The following PPP2R2B variants were observed in gnomAD, a reference collection of about 807,000 sequenced individuals.
PPP2R2B encodes serine/threonine-protein phosphatase 2A 55 kDa regulatory subunit B beta isoform.
In PPP2R2B, 5 loss-of-function variants were observed where a neutral mutation model predicts 46.0. The ratio of observed to expected loss-of-function variants is 0.11; its 90% confidence interval spans 0.06 to 0.23. The LOEUF is 0.23. Among genes scored for constraint, PPP2R2B ranks in the 10% least tolerant of loss-of-function variants. The pLI is 1.00. For synonymous variants in PPP2R2B, 215 were observed against 206.7 expected (o/e 1.04, Z -0.34); for missense variants, 367 against 575.0 (o/e 0.64, Z 3.70).
chr5:146,910,375 C>A (rs1444164203), intron 1 of PPP2R2B, among the ~76,000 whole-genome samples: 1 of 152,200 alleles, frequency 6.6e-6, no homozygotes, highest in Non-Finnish European at 1.5e-5. Flanking sequence ...AAGGATGAGA[C>A]AAGTGTAGTG....
At chr5:146,901,372 A>T (rs1021370998) in intron 1 of PPP2R2B, among the ~76,000 whole-genome samples, 2 of 152,102 alleles carry the variant, frequency 1.3e-5, no homozygotes, top group African/African-American at 4.8e-5. Context: ...AGGTGTTGTG[A>T]CATGCACCTA....
At chr5:146,884,089 G>GTT (rs372611320) in intron 1 of PPP2R2B, among the ~76,000 whole-genome samples, 1,489 of 104,368 alleles carry the variant, frequency 0.014, 17 homozygotes, top group African/African-American at 0.03. Flanking sequence ...TAAATTCAGG[G>GTT]TTTTTTTTTT....
intron 1 of PPP2R2B, among the ~76,000 whole-genome samples, chr5:146,953,186 T>A (rs941469611): frequency 6.6e-6 from 1 of 152,200 alleles, no homozygotes. Flanking sequence ...AACTACTGAT[T>A]GTGAATAAAT....
intron 5 of PPP2R2B, among the ~76,000 whole-genome samples, chr5:146,669,195 A>T (rs1777188964): frequency 6.6e-6 from 1 of 152,228 alleles, no homozygotes. Context: ...GAATACAATT[A>T]TGTACTGAAT....
chr5:146,656,290 T>C (rs1266329866), intron 5 of PPP2R2B: 1 of 151,420 alleles, frequency 6.6e-6, no homozygotes, highest in Non-Finnish European at 1.5e-5. Flanking sequence ...TGCAGCAATG[T>C]GGGGAGGAGC....
In PPP2R2B at chr5:146,590,143, C is replaced by T. The variant is rs1770459941; in HGVS notation, c.1136G>A (p.Arg379Lys). 1.2e-6 allele frequency: 2 copies of T among 1,614,088 alleles called. No homozygotes were observed. The highest frequency in any genetic ancestry group is 4.5e-5 in the East Asian group (2 of 44,860). ...TKRDVTLEAS[R>K]ENSKPRAILK... ...GATAGCCCGGGGCTTGCTGTTTTCC[C>T]TCGAAGCCTCAAGGGTCACATCACG... Residue 379 changes from arginine (R) to lysine (K), a missense_variant, in exon 10 of 10, where the codon AGG becomes AAG. Around this residue, in one of 2 missense-constraint regions of PPP2R2B, gnomAD observed 361 missense variants for 545.5 expected, o/e 0.66. Coordinates refer to ENST00000394411, the MANE Select transcript of PPP2R2B (RefSeq NM_181675.4).
chr5:146,847,756 T>C (rs546068263), intron 2 of PPP2R2B, among the ~76,000 whole-genome samples: 1 of 152,318 alleles, frequency 6.6e-6, no homozygotes, highest in East Asian at 1.9e-4. Flanking sequence ...TTCTCAGGCT[T>C]CAGGAAAACT....
intron 1 of PPP2R2B, among the ~76,000 whole-genome samples, chr5:146,888,838 A>G (rs964018239): frequency 2.0e-5 from 3 of 152,184 alleles, no homozygotes; most frequent in African/African-American, 7.2e-5. Context: ...AGCATAGCTC[A>G]GTGCTTTACT....
chr5:146,609,442 A>G (rs1344609144), intron 7 of PPP2R2B, among the ~76,000 whole-genome samples: 1 of 152,246 alleles, frequency 6.6e-6, no homozygotes, highest in African/African-American at 2.4e-5. Flanking sequence ...CTTGTATTTG[A>G]AAAAACTTAA....
In PPP2R2B at chr5:146,589,689, G is replaced by A. The variant is rs1770404807; in HGVS notation, c.*258C>T. ...AAACTGGGCAATAAAAGCATCAGAA[G>A]TTCAAGTCAACTATGGAAGAATTAC... On this transcript the variant is annotated 3_prime_UTR_variant, in exon 10 of 10. Transcript: ENST00000394411. The A allele has an allele frequency of 2.2e-6, 1 of 445,582 alleles. No individual in the cohort carries two copies. Among genetic ancestry groups the A allele is most frequent in the African/African-American group, 2.0e-5 (1 of 50,838 alleles). 27.6% of individuals were successfully genotyped at this position (445,582 alleles called of 1,614,324 possible).
chr5:146,787,411 C>G (rs1318023901), intron 2 of PPP2R2B, among the ~76,000 whole-genome samples: 1 of 152,202 alleles, frequency 6.6e-6, no homozygotes, highest in African/African-American at 2.4e-5. Context: ...ATGTTGGCAG[C>G]TCATTTAAAA....
chr5:146,835,024 C>T (rs1759195131), intron 2 of PPP2R2B, among the ~76,000 whole-genome samples: 1 of 151,996 alleles, frequency 6.6e-6, no homozygotes, highest in South Asian at 2.1e-4. Context: ...TCCAGTCCAC[C>T]ACTGATGGGC....
chr5:146,886,333 C>T (rs898849560), intron 1 of PPP2R2B, among the ~76,000 whole-genome samples: 1 of 67,970 alleles, frequency 1.5e-5, no homozygotes, highest in African/African-American at 6.4e-5. Flanking sequence ...AACGAGACTC[C>T]GTCTCAAAAA....
rs185720447 is a variant in PPP2R2B, at chr5:146,859,872, G to C, written c.70+18130C>G. On this transcript the variant is annotated intron_variant, in intron 2 of 9. Transcript: ENST00000394411. ...GGCCTATGTATAGATTAGAACATCA[G>C]GGAAAGGAGGTAGTATGAAGGACAG... Among the ~76,000 whole-genome samples the C allele has an allele frequency of 1.7e-3, 257 of 152,040 alleles. 1 individual carries two copies. Among genetic ancestry groups the C allele is most frequent in the African/African-American group, 5.4e-3 (222 of 41,446 alleles).
intron 2 of PPP2R2B, among the ~76,000 whole-genome samples, chr5:146,855,108 A>G (rs1365232367): frequency 6.6e-6 from 1 of 152,108 alleles, no homozygotes; most frequent in Non-Finnish European, 1.5e-5. Context: ...AACCAAATAA[A>G]ACTCAAACCC....
chr5:146,689,342 A>G (rs1778693536), intron 5 of PPP2R2B, among the ~76,000 whole-genome samples: 1 of 152,248 alleles, frequency 6.6e-6, no homozygotes, highest in African/African-American at 2.4e-5. Flanking sequence ...GTTTTGGTCA[A>G]TAACACTGGT....
At chr5:146,793,854 C>T (rs1476204633) in intron 2 of PPP2R2B, among the ~76,000 whole-genome samples, 1 of 152,184 alleles carries the variant, frequency 6.6e-6, no homozygotes, top group African/African-American at 2.4e-5. Flanking sequence ...AATGCTGAGA[C>T]AAAGGTAAGG....
At chr5:146,840,556 T>C (rs1297863246) in intron 2 of PPP2R2B, among the ~76,000 whole-genome samples, 1 of 152,212 alleles carries the variant, frequency 6.6e-6, no homozygotes, top group Admixed American at 6.5e-5. Flanking sequence ...CAACAGACAG[T>C]TCCACACATC....
At chr5:147,016,267 C>T (rs952438424) in intron 1 of PPP2R2B, among the ~76,000 whole-genome samples, 1 of 150,936 alleles carries the variant, frequency 6.6e-6, no homozygotes, top group Non-Finnish European at 1.5e-5. Flanking sequence ...CCCAGGACTT[C>T]GCGGTTATAG....
Sources: gnomAD v4.1 joint callset for allele counts (sites outside exome capture counted in the v4.1 genomes callset) on GRCh38, gnomAD v4.1.1 for gene constraint, gnomAD v4.1.1 regional missense constraint, MANE v1.5 for transcripts, NCBI Gene and HGNC (gene_info 2026-07-23, HGNC 2026-07-21) for gene names.